The following FGD3 variants were observed in gnomAD, a reference collection of about 807,000 sequenced individuals.
The protein encoded by FGD3 is FYVE, RhoGEF and PH domain-containing protein 3.
A neutral mutation model predicts 71.8 loss-of-function variants in FGD3; 45 were observed. That is an observed-to-expected ratio of 0.63 (90% CI 0.49 to 0.80). FGD3 has a LOEUF of 0.80. Ranked by LOEUF, FGD3 falls within the 30% of genes least tolerant of loss-of-function variation. The pLI is 0.00. For missense variants in FGD3, 844 were observed against 951.5 expected, an observed-to-expected ratio of 0.89 and a Z score of 1.49; for synonymous variants, 378 against 392.8, an observed-to-expected ratio of 0.96 and a Z score of 0.44.
At chr9:92,965,019 G>T (rs897726975) in intron 1 of FGD3, among the ~76,000 whole-genome samples, 4 of 152,234 alleles carry the variant, frequency 2.6e-5, no homozygotes, top group Non-Finnish European at 4.4e-5. Flanking sequence ...AGCCTCCTCA[G>T]CACCCCGTGC....
chr9:93,012,669 A>G (rs1047699846), intron 8 of FGD3, among the ~76,000 whole-genome samples: 1 of 109,966 alleles, frequency 9.1e-6, no homozygotes, highest in Non-Finnish European at 1.7e-5. Flanking sequence ...CCTGTGAGCC[A>G]CCAGGTGTGG....
chr9:93,022,374 T>A lies in FGD3; in HGVS notation c.1542T>A (p.Ser514Arg). The A allele has an allele frequency of 6.2e-7, 1 of 1,612,504 alleles. No individual in the cohort carries two copies. Among genetic ancestry groups the A allele is most frequent in the Non-Finnish European group, 8.5e-7 (1 of 1,179,378 alleles). ...AGCCTGTGGTGACCACCGAAGGCAG[T>A]TCGGGTGCAGCAGGGGTAAGTGCCC... ...PVEPVVTTEG[S>R]SGAAGLEPRK... Residue 514 changes from serine (S) to arginine (R), a missense_variant, in exon 14 of 18, where the codon AGT becomes AGA. Ser to Arg is a moderately radical substitution (Grantham distance 110). Transcript: ENST00000375482.
chr9:92,969,287 G>A lies in FGD3; in HGVS notation c.-217-5951G>A, dbSNP rs1036649229. The stretch of plus-strand genomic sequence containing the variant: ...ACCTGCTGTCGGCGGGGATGCCCCC[G>A]CATGCCTCTCTGAGTGGCTAAGCCT... On this transcript the variant is annotated intron_variant, in intron 1 of 17. Coordinates refer to ENST00000375482, the MANE Select transcript of FGD3 (RefSeq NM_001083536.2). This position sits in a 1 kb window ranked among gnomAD's most constrained non-coding sequence, Gnocchi z 4.5. Among the ~76,000 whole-genome samples, 7 of 152,156 alleles carry A rather than the reference G, an allele frequency of 4.6e-5. No individual in the cohort carries two copies. In the East Asian group the frequency reaches 9.7e-4, roughly 21 times the overall value.
chr9:93,002,382 A>C (rs986256271), intron 3 of FGD3, among the ~76,000 whole-genome samples: 12 of 152,138 alleles, frequency 7.9e-5, no homozygotes, highest in African/African-American at 2.9e-4. Flanking sequence ...CCAGGAGTTC[A>C]AGACCAGCCT....
chr9:92,960,120 T>A (rs1449254175), intron 1 of FGD3, among the ~76,000 whole-genome samples: 1 of 151,970 alleles, frequency 6.6e-6, no homozygotes, highest in Non-Finnish European at 1.5e-5. Flanking sequence ...CATTTTCTCA[T>A]GTCATGTCCC....
rs199600637 is a variant in FGD3, at chr9:93,002,952, A to G, written c.481A>G (p.Ile161Val). ...QHSGPQKLLHIAQELLHTEET... is the reference protein window; with the variant it reads ...QHSGPQKLLHVAQELLHTEET... ...CTCTGGCCCCCAGAAGCTTCTCCAC[A>G]TTGCCCAGGAGCTCCTGCACACCGA... is the stretch of plus-strand genomic sequence containing the variant. The change falls in exon 4 of 18, where the codon ATT (isoleucine) becomes GTT (valine). Residue 161 changes from isoleucine to valine, a missense_variant. Transcript: ENST00000375482. The G allele has an allele frequency of 1.2e-4, 201 of 1,613,776 alleles. No homozygotes were observed. The African/African-American group carries it at 2.2e-3, about 18-fold the overall frequency.
Position 93,004,813 on chromosome 9 carries a change from A to G in FGD3, c.680+676A>G, listed in dbSNP as rs546855586. ...CCACCAGCCCGTTCTCCAAGCTGCA[A>G]CCCAGGAGACCACAGAGGCTTGACT... On this transcript the variant is annotated intron_variant, in intron 5 of 17. Transcript: ENST00000375482. Among the ~76,000 whole-genome samples the G allele has an allele frequency of 1.6e-4, 24 of 152,266 alleles. No individual in the cohort carries two copies. In the South Asian group the frequency reaches 5.0e-3, roughly 32 times the overall value.
Position 92,968,601 on chromosome 9 carries a change from TTCTTTC to T in FGD3, c.-217-6635_-217-6630del, listed in dbSNP as rs1443671477. ...ATTTTTGTTTTCTTTTCTTTTTTCT[TTCTTTC>T]TTTTTTTTTTTTTTGACACGGAGTC... is the stretch of plus-strand genomic sequence containing the variant. On this transcript the variant is annotated intron_variant, in intron 1 of 17. Coordinates refer to ENST00000375482, the MANE Select transcript of FGD3 (RefSeq NM_001083536.2). 5.3e-3 allele frequency among the ~76,000 whole-genome samples: 492 copies of T among 93,322 alleles called. 14 individuals are homozygous for T. Among genetic ancestry groups the T allele is most frequent in the African/African-American group, 0.017 (392 of 22,820 alleles). 61.2% of individuals were successfully genotyped at this position (93,322 alleles called of 152,430 possible). A position where few individuals can be genotyped will look rare whatever the true frequency, so the allele number is the denominator to read the frequency against.
intron 3 of FGD3, among the ~76,000 whole-genome samples, chr9:92,988,230 C>T (rs1486171115): frequency 6.6e-6 from 1 of 152,196 alleles, no homozygotes; most frequent in African/African-American, 2.4e-5. Context: ...AGAGGCCAGG[C>T]TTCTCCCCTG....
Position 92,978,101 on chromosome 9 carries a change from G to A in FGD3, c.453+1392G>A, listed in dbSNP as rs58971964. Among the ~76,000 whole-genome samples, 1,195 of 152,120 alleles carry A rather than the reference G, an allele frequency of 7.9e-3. 12 individuals carry two copies. The highest frequency in any genetic ancestry group is 0.025 in the African/African-American group (1,023 of 41,494). On this transcript the variant is annotated intron_variant, in intron 3 of 17. Transcript: ENST00000375482. ...AGTTTGAGACCAGCCTGACCAACAC[G>A]GAGAAAACCTGTCTCTACTAAAAAT...
chr9:93,034,492 T>TGACC, intron 16 of FGD3, 49 bp from the exon 17 acceptor site: 1 of 1,554,214 alleles, frequency 6.4e-7, no homozygotes. Flanking sequence ...AGAACAGGGG[T>TGACC]GACCACTGCA....
chr9:93,023,593 C>T (rs1239785646), intron 14 of FGD3, among the ~76,000 whole-genome samples: 2 of 151,978 alleles, frequency 1.3e-5, no homozygotes, highest in African/African-American at 4.8e-5. Context: ...AGAGAATCTC[C>T]TCTCACTTGT....
chr9:92,974,245 A>G (rs1432359892), intron 1 of FGD3, among the ~76,000 whole-genome samples: 1 of 152,186 alleles, frequency 6.6e-6, no homozygotes, highest in Non-Finnish European at 1.5e-5. Context: ...CACAGCTCAC[A>G]TTCCATCTGG....
intron 5 of FGD3, among the ~76,000 whole-genome samples, chr9:93,004,578 T>C (rs1860981668): frequency 6.6e-6 from 1 of 152,200 alleles, no homozygotes; most frequent in Non-Finnish European, 1.5e-5. Context: ...GTCCCACTGC[T>C]GCTTCTGTTC....
rs557306596 is a variant in FGD3, at chr9:92,997,451, T to A, written c.454-5474T>A. On this transcript the variant is annotated intron_variant, in intron 3 of 17. Coordinates refer to ENST00000375482, the MANE Select transcript of FGD3 (RefSeq NM_001083536.2). ...CAATTTGCCAGTCTGTGTCTTTTAA[T>A]TGGAGCATTTAGCCCATTTACATTT... 2.9e-3 allele frequency among the ~76,000 whole-genome samples: 442 copies of A among 152,362 alleles called. 7 individuals carry two copies. Among genetic ancestry groups the A allele is most frequent in the African/African-American group, 0.01 (417 of 41,580 alleles).
At chr9:92,994,741 C>T (rs1422073960) in intron 3 of FGD3, among the ~76,000 whole-genome samples, 5 of 152,166 alleles carry the variant, frequency 3.3e-5, no homozygotes, top group African/African-American at 9.7e-5. Context: ...ATCCTTTCCC[C>T]ATTGCTTGTT....
At chr9:92,968,704 C>A (rs1015274083) in intron 1 of FGD3, among the ~76,000 whole-genome samples, 2 of 149,800 alleles carry the variant, frequency 1.3e-5, no homozygotes, top group African/African-American at 2.5e-5. Flanking sequence ...TGGGTACAAG[C>A]AATTCTCCTG....
chr9:93,015,752 C>G lies in FGD3; in HGVS notation c.1198C>G (p.Leu400Val). The part of the protein sequence containing the change: ...RHLFLFNSMI[L>V]YCVPKLRLMG... ...CCTCTTGCAGTTCAACAGCATGATC[C>G]TTTACTGTGTGCCCAAGCTGCGGCT... Residue 400 changes from leucine (L) to valine (V), a missense_variant, in exon 10 of 18, where the codon CTT (leucine) becomes GTT (valine). Coordinates refer to ENST00000375482, the MANE Select transcript of FGD3 (RefSeq NM_001083536.2). 1 of 1,614,184 alleles carries G rather than the reference C, an allele frequency of 6.2e-7. No homozygotes were observed. The highest frequency in any genetic ancestry group is 2.2e-5 in the East Asian group (1 of 44,870).
At chr9:92,984,020 T>C (rs1025843617) in intron 3 of FGD3, among the ~76,000 whole-genome samples, 2 of 152,218 alleles carry the variant, frequency 1.3e-5, no homozygotes, top group African/African-American at 4.8e-5. Flanking sequence ...AGTAAGCAAT[T>C]CTAATTATGC....
Sources: allele counts gnomAD v4.1 joint callset (sites outside exome capture counted in the v4.1 genomes callset), GRCh38; gene constraint gnomAD v4.1.1; non-coding constraint Gnocchi (gnomAD v3.1); transcripts MANE v1.5; gene names NCBI Gene and HGNC (gene_info 2026-07-23, HGNC 2026-07-21).